The following UBXN2A variants were observed in gnomAD, a reference collection of about 807,000 sequenced individuals.
UBXN2A encodes the protein UBX domain protein 2A.
In UBXN2A, 28 loss-of-function variants were observed where a neutral mutation model predicts 28.4. The ratio of observed to expected loss-of-function variants is 0.99; its 90% CI spans 0.73 to 1.35. The LOEUF (loss-of-function observed/expected upper bound fraction) is 1.35, where lower values mean the gene tolerates loss of function less well. UBXN2A is among the 40% of genes most tolerant of loss of function. UBXN2A has a pLI of 0.00. For synonymous variants in UBXN2A, 97 were observed against 103.6 expected, an observed-to-expected ratio of 0.94 and a Z score of 0.39; for missense variants, 253 against 297.9, an observed-to-expected ratio of 0.85 and a Z score of 1.11.
Position 23,999,834 on chromosome 2 carries a change from A to G in UBXN2A, c.747A>G (p.Lys249=). The part of the protein sequence containing the change: ...QNAVIIQRLQ[K]TASFRELSEH ...CTGTCATCATTCAGAGACTCCAAAA[A>G]ACTGCATCTTTTAGAGAACTTTCAG... is the stretch of plus-strand genomic sequence containing the variant. The change falls in exon 7 of 7, where the codon AAA becomes AAG. Residue 249 remains lysine, a synonymous_variant. Transcript: ENST00000309033. The G allele has an allele frequency of 6.2e-7, 1 of 1,612,662 alleles. No homozygotes were observed. Among genetic ancestry groups the G allele is most frequent in the African/African-American group, 1.3e-5 (1 of 74,958 alleles).
intron 2 of UBXN2A, among the ~76,000 whole-genome samples, chr2:23,960,048 C>T (rs988225438): frequency 6.6e-6 from 1 of 151,746 alleles, no homozygotes; most frequent in Non-Finnish European, 1.5e-5. Context: ...GTCAGGAGAT[C>T]GAGACCATCC....
In UBXN2A at chr2:24,001,665, ATATT is replaced by A. The variant is rs1413260947; in HGVS notation, c.*1806_*1809del. On this transcript the variant is annotated 3_prime_UTR_variant, in exon 7 of 7. Coordinates refer to ENST00000309033, the MANE Select transcript of UBXN2A (RefSeq NM_181713.4). Reference sequence around the variant, plus strand: ...TTATATTAAATATTAAATTTTTAAAATATTTATTTATGGGCCAGGCACGGTGGCT... The same window carrying A: ...TTATATTAAATATTAAATTTTTAAAATATTTATGGGCCAGGCACGGTGGCT... 5 of 151,710 alleles carry A rather than the reference ATATT, an allele frequency of 3.3e-5. No homozygotes were observed. The highest frequency in any genetic ancestry group is 1.2e-4 in the African/African-American group (5 of 41,388). The allele number at this position is 151,710 out of a possible 1,614,324, so 9.4% of individuals were successfully genotyped here.
At chr2:23,980,670 G>A (rs757414277) in intron 4 of UBXN2A, among the ~76,000 whole-genome samples, 2 of 151,838 alleles carry the variant, frequency 1.3e-5, no homozygotes, top group East Asian at 1.9e-4. Context: ...CTCTGTCGGC[G>A]AGGCTGGAGT....
rs952254568 is a variant in UBXN2A at position 24,000,942 on chromosome 2, T to G, written c.*1075T>G. On this transcript the variant is annotated 3_prime_UTR_variant, in exon 7 of 7. Coordinates refer to ENST00000309033, the MANE Select transcript of UBXN2A (RefSeq NM_181713.4). ...ACTTAGAATATAATGCCGGTGTGTG[T>G]CACATTACTAGTATTTTTTAAATGC... The G allele has an allele frequency of 3.3e-5, 5 of 152,220 alleles. No homozygotes were observed. Among genetic ancestry groups the G allele is most frequent in the Admixed American group, 3.3e-4 (5 of 15,266 alleles). 9.4% of individuals were successfully genotyped at this position (152,220 alleles called of 1,614,324 possible).
At chr2:23,980,018 T>G (rs1191512344) in intron 4 of UBXN2A, among the ~76,000 whole-genome samples, 1 of 152,134 alleles carries the variant, frequency 6.6e-6, no homozygotes, top group Non-Finnish European at 1.5e-5. Context: ...TTTTAATATG[T>G]CTACAGTTTT....
intron 2 of UBXN2A, among the ~76,000 whole-genome samples, chr2:23,958,917 T>C (rs1706769650): frequency 6.6e-6 from 1 of 152,196 alleles, no homozygotes; most frequent in South Asian, 2.1e-4. Context: ...CATAGCTTGT[T>C]GGAGCCTTGA....
intron 1 of UBXN2A, among the ~76,000 whole-genome samples, chr2:23,956,270 A>T (rs771780437): frequency 6.6e-6 from 1 of 151,698 alleles, no homozygotes; most frequent in Non-Finnish European, 1.5e-5. Context: ...TTAGATGTTC[A>T]GTTTACCAGA....
intron 6 of UBXN2A, among the ~76,000 whole-genome samples, chr2:23,996,065 AT>A (rs1019784685): frequency 3.8e-3 from 433 of 114,196 alleles, no homozygotes; most frequent in Admixed American, 7.0e-3. Flanking sequence ...CGCCTGGCTA[AT>A]TTTTTTTTTT....
At chr2:23,931,732 G>T (rs1472745867) in intron 1 of UBXN2A, among the ~76,000 whole-genome samples, 2 of 152,162 alleles carry the variant, frequency 1.3e-5, no homozygotes, top group East Asian at 3.9e-4. Context: ...GAAATGCAAG[G>T]CCGGGCACAG....
intron 3 of UBXN2A, among the ~76,000 whole-genome samples, chr2:23,974,933 C>G (rs1048786700): frequency 6.6e-6 from 1 of 151,282 alleles, no homozygotes; most frequent in African/African-American, 2.4e-5. Flanking sequence ...GAACCAAGAT[C>G]GTGCCACTGC....
At chr2:23,988,122 CA>C (rs34140980) in intron 6 of UBXN2A, among the ~76,000 whole-genome samples, 87,229 of 120,918 alleles carry the variant, frequency 0.72, 30,012 homozygotes, top group Middle Eastern at 0.82. Context: ...GGCTCCATCT[CA>C]AAAAAAAAAA....
At chr2:23,928,753 A>G (rs539988542) in intron 1 of UBXN2A, among the ~76,000 whole-genome samples, 1 of 152,298 alleles carries the variant, frequency 6.6e-6, no homozygotes, top group South Asian at 2.1e-4. Flanking sequence ...AATCATTCCA[A>G]AAAACTGTAC....
chr2:23,953,002 G>A (rs1350890819), intron 1 of UBXN2A, among the ~76,000 whole-genome samples: 3 of 149,078 alleles, frequency 2.0e-5, no homozygotes, highest in East Asian at 3.9e-4. Flanking sequence ...CTTTATTGTG[G>A]TCATAATACA....
intron 6 of UBXN2A, among the ~76,000 whole-genome samples, chr2:23,989,008 G>A (rs928574614): frequency 2.6e-5 from 4 of 151,886 alleles, no homozygotes; most frequent in South Asian, 2.1e-4. Context: ...AGTGGACAGC[G>A]GTATTGACAA....
intron 6 of UBXN2A, among the ~76,000 whole-genome samples, chr2:23,991,406 T>TACACACACAC (rs371442810): frequency 0.015 from 2,236 of 148,504 alleles, 42 homozygotes; most frequent in African/African-American, 0.042. Flanking sequence ...TTTTATTTTA[T>TACACACACAC]ACACACACAC....
chr2:23,984,535 T>G, intron 5 of UBXN2A, 138 bp from the exon 6 acceptor site: 1 of 646,796 alleles, frequency 1.5e-6, no homozygotes, highest in Non-Finnish European at 2.2e-6. Flanking sequence ...ATCTTTCTGT[T>G]ATTACTGAAG....
At position 24,002,574 on chromosome 2, in the gene UBXN2A, T is replaced by A. The variant is rs942913052; in HGVS notation, c.*2707T>A. 6.6e-6 allele frequency: 1 copy of A among 152,122 alleles called. No individual in the cohort carries two copies. The highest frequency in any genetic ancestry group is 2.4e-5 in the African/African-American group (1 of 41,428). 9.4% of individuals were successfully genotyped at this position (152,122 alleles called of 1,614,324 possible). On this transcript the variant is annotated 3_prime_UTR_variant, in exon 7 of 7. Transcript: ENST00000309033. ...ATAGGCGCCCACTACCACGCCTGGC[T>A]AATTTTTGTATTTTTAGTAGAGACG...
chr2:23,949,856 C>T (rs1415773143), intron 1 of UBXN2A, among the ~76,000 whole-genome samples: 1 of 146,064 alleles, frequency 6.8e-6, no homozygotes, highest in African/African-American at 2.5e-5. Flanking sequence ...GCCTGGGCAA[C>T]AGAGCAAGAC....
intron 1 of UBXN2A, among the ~76,000 whole-genome samples, chr2:23,948,848 T>C (rs1040283484): frequency 2.6e-5 from 4 of 151,972 alleles, no homozygotes; most frequent in African/African-American, 9.7e-5. Flanking sequence ...ACCTTATAAC[T>C]GTAAAATGAT....
Sources: allele counts gnomAD v4.1 joint callset (sites outside exome capture counted in the v4.1 genomes callset), GRCh38; gene constraint gnomAD v4.1.1; transcripts MANE v1.5; gene names NCBI Gene and HGNC (gene_info 2026-07-23, HGNC 2026-07-21).